The following GABRA2 variants were observed in gnomAD, a reference collection of about 807,000 sequenced individuals.
The protein encoded by GABRA2 is gamma-aminobutyric acid receptor subunit alpha-2.
Under a neutral mutation model 48.7 loss-of-function variants are expected in GABRA2, and 16 were observed. The ratio of observed to expected loss-of-function variants is 0.33; its 90% CI spans 0.22 to 0.50. The LOEUF (loss-of-function observed/expected upper bound fraction) is 0.50. GABRA2 is among the 20% of genes least tolerant of loss of function. The probability of loss-of-function intolerance (pLI) is 0.98; values close to 1 mark genes in which losing one functional copy is unlikely to be tolerated. For missense variants in GABRA2, 275 were observed against 535.6 expected, an observed-to-expected ratio of 0.51 and a Z score of 4.80; for synonymous variants, 185 against 184.5, an observed-to-expected ratio of 1.00 and a Z score of -0.02.
At chr4:46,343,009 C>A (rs996158333) in intron 3 of GABRA2, among the ~76,000 whole-genome samples, 4 of 151,894 alleles carry the variant, frequency 2.6e-5, no homozygotes, top group Non-Finnish European at 4.4e-5. Context: ...AACTACATGC[C>A]TGACACTTTC....
chr4:46,310,675 G>A (rs923920186), intron 5 of GABRA2, among the ~76,000 whole-genome samples: 1 of 152,046 alleles, frequency 6.6e-6, no homozygotes, highest in Non-Finnish European at 1.5e-5. Context: ...TATTAGTTCA[G>A]AGGAGCTCCC....
At chr4:46,367,525 T>C (rs1316437597) in intron 3 of GABRA2, 1 of 152,038 alleles carries the variant, frequency 6.6e-6, no homozygotes, top group African/African-American at 2.4e-5. Flanking sequence ...GAACTATGCC[T>C]TCACAGCACA....
intron 3 of GABRA2, chr4:46,368,902 C>A: frequency 1.5e-6 from 1 of 653,440 alleles, no homozygotes; most frequent in Non-Finnish European, 2.8e-6. Flanking sequence ...TTATGCTCCA[C>A]TCATTCCTTT....
chr4:46,360,455 T>C (rs1712992004), intron 3 of GABRA2, among the ~76,000 whole-genome samples: 2 of 152,352 alleles, frequency 1.3e-5, no homozygotes, highest in South Asian at 2.1e-4. Flanking sequence ...CTGCCATCCA[T>C]GTAAGATGTG....
At chr4:46,370,728 C>G (rs1714754746) in intron 3 of GABRA2, among the ~76,000 whole-genome samples, 1 of 152,096 alleles carries the variant, frequency 6.6e-6, no homozygotes, top group Non-Finnish European at 1.5e-5. Flanking sequence ...AAAACCAAAG[C>G]AGCCTTTGTG....
At position 46,250,522 on chromosome 4, in the gene GABRA2, TC is replaced by T; in HGVS notation, c.1141del (p.Asp381IlefsTer43). ...CTTGGAGATGGTGGAGAGAACTGGA[TC>T]TTTTGAAAGATTCGGGGCATAATTG... ...VANYAPNLSK[D>X]PVLSTISKSA... On this transcript the variant is annotated frameshift_variant, in exon 10 of 10. Transcript: ENST00000381620. LOFTEE classifies it high-confidence loss of function. The T allele has an allele frequency of 6.2e-7, 1 of 1,611,838 alleles. No homozygotes were observed. Among genetic ancestry groups the T allele is most frequent in the Non-Finnish European group, 8.5e-7 (1 of 1,178,580 alleles).
At chr4:46,310,115 C>T in intron 6 of GABRA2, 58 bp downstream of exon 6, 1 of 1,246,854 alleles carries the variant, frequency 8.0e-7, no homozygotes, top group Admixed American at 1.7e-5. Context: ...TTGAGCAGTG[C>T]TGCTGACTTT....
At chr4:46,273,999 T>C (rs1328881814) in intron 8 of GABRA2, among the ~76,000 whole-genome samples, 1 of 152,106 alleles carries the variant, frequency 6.6e-6, no homozygotes, top group Non-Finnish European at 1.5e-5. Context: ...TCTTAGCTCC[T>C]ATAGCTATAA....
At chr4:46,271,338 T>A (rs1719296059) in intron 8 of GABRA2, among the ~76,000 whole-genome samples, 1 of 152,050 alleles carries the variant, frequency 6.6e-6, no homozygotes, top group Non-Finnish European at 1.5e-5. Flanking sequence ...AGGTTGTATA[T>A]GCCTCTAGAA....
chr4:46,327,884 C>A (rs1326480640), intron 4 of GABRA2, among the ~76,000 whole-genome samples: 1 of 151,996 alleles, frequency 6.6e-6, no homozygotes, highest in Non-Finnish European at 1.5e-5. Context: ...CAAGCTCTAA[C>A]CCTAACACTT....
chr4:46,280,449 A>C (rs1302899677), intron 8 of GABRA2, among the ~76,000 whole-genome samples: 1 of 152,068 alleles, frequency 6.6e-6, no homozygotes, highest in Non-Finnish European at 1.5e-5. Context: ...GCAGAAGTTC[A>C]ACTTTGAGGG....
At chr4:46,256,665 A>G (rs1267034025) in intron 9 of GABRA2, among the ~76,000 whole-genome samples, 5 of 151,518 alleles carry the variant, frequency 3.3e-5, no homozygotes, top group Admixed American at 2.6e-4. Context: ...AGATGAATGT[A>G]TTTGAGTCTA....
chr4:46,265,012 G>A (rs1467391694), intron 8 of GABRA2, among the ~76,000 whole-genome samples: 4 of 63,510 alleles, frequency 6.3e-5, no homozygotes, highest in Admixed American at 6.0e-4. Context: ...TGTATAAAGA[G>A]AGAGAGAGAT....
chr4:46,348,600 A>C (rs1028088935), intron 3 of GABRA2, among the ~76,000 whole-genome samples: 3 of 152,042 alleles, frequency 2.0e-5, no homozygotes. Context: ...CAGTCATAAA[A>C]AATGATGAGG....
Position 46,305,157 on chromosome 4 carries a change from G to A in GABRA2, c.703+411C>T, listed in dbSNP as rs192089759. 1.8e-4 allele frequency among the ~76,000 whole-genome samples: 26 copies of A among 148,054 alleles called. No homozygotes were observed. The East Asian group carries it at 1.8e-3, about 10-fold the overall frequency. ...AAACCATCATTCTCAGCAAACTATC[G>A]CAAGGACAAAAAACCAAACACCACA... On this transcript the variant is annotated intron_variant, in intron 7 of 9. Coordinates refer to ENST00000381620, the MANE Select transcript of GABRA2 (RefSeq NM_000807.4).
At chr4:46,312,772 C>A in intron 4 of GABRA2, 56 bp from the exon 5 acceptor site, 2 of 841,802 alleles carry the variant, frequency 2.4e-6, no homozygotes, top group Non-Finnish European at 3.6e-6. Flanking sequence ...ACACAAGACA[C>A]GGTAAAATTC....
In GABRA2 at chr4:46,247,731, T is replaced by C. The variant is rs1235256588; in HGVS notation, c.*2577A>G. On this transcript the variant is annotated 3_prime_UTR_variant, in exon 10 of 10. Coordinates refer to ENST00000381620, the MANE Select transcript of GABRA2 (RefSeq NM_000807.4). The stretch of plus-strand genomic sequence containing the variant: ...ATTAAAATCCTTTTAAATTTGTTTT[T>C]AAATTGGTTCATGGAAAGGATTATA... Among the ~76,000 whole-genome samples, 2 of 151,342 alleles carry C rather than the reference T, an allele frequency of 1.3e-5. No individual in the cohort carries two copies. Among genetic ancestry groups the C allele is most frequent in the East Asian group, 3.9e-4 (2 of 5,140 alleles).
intron 3 of GABRA2, among the ~76,000 whole-genome samples, chr4:46,369,280 C>T (rs935603658): frequency 3.9e-5 from 6 of 152,056 alleles, no homozygotes; most frequent in Admixed American, 1.3e-4. Flanking sequence ...TTGGGAATTT[C>T]AGCTTGGGGT....
chr4:46,312,716 C>T lies in GABRA2; in HGVS notation c.256G>A (p.Glu86Lys). The change falls in exon 5 of 10, where the codon GAA becomes AAA. Residue 86 changes from glutamate (E) to lysine (K), a missense_variant and splice_region_variant. Around this residue, in one of 4 missense-constraint regions of GABRA2, gnomAD observed 113 missense variants for 257.1 expected, o/e 0.44. Coordinates refer to ENST00000381620, the MANE Select transcript of GABRA2 (RefSeq NM_000807.4). ...SFGPVSDTDM[E>K]YTIDVFFRQK... ...CGAAAGAAAACATCAATTGTATATT[C>T]CTGAAATAAAAAATAGAATTTTTTT... The T allele has an allele frequency of 7.0e-7, 1 of 1,437,708 alleles. No individual in the cohort carries two copies. Among genetic ancestry groups the T allele is most frequent in the Non-Finnish European group, 9.4e-7 (1 of 1,065,456 alleles). The allele number at this position is 1,437,708 out of a possible 1,614,324, so 89.1% of individuals were successfully genotyped here.
Sources: allele counts gnomAD v4.1 joint callset (sites outside exome capture counted in the v4.1 genomes callset), GRCh38; gene constraint gnomAD v4.1.1; regional missense constraint gnomAD v4.1.1; transcripts MANE v1.5; gene names NCBI Gene and HGNC (gene_info 2026-07-23, HGNC 2026-07-21).